IMMP2L: variants seen among roughly 807,000 people sequenced by gnomAD.
IMMP2L encodes the protein inner mitochondrial membrane peptidase subunit 2.
In IMMP2L, 18 loss-of-function variants were observed where a neutral mutation model predicts 19.3. The observed-to-expected ratio is 0.93, with a 90% CI of 0.64 to 1.38. IMMP2L has a LOEUF of 1.38. IMMP2L is among the 40% of genes most tolerant of loss of function. The pLI is 0.00. For synonymous variants in IMMP2L, 76 were observed against 73.0 expected (o/e 1.04, Z -0.21); for missense variants, 233 against 218.2 (o/e 1.07, Z -0.43).
intron 3 of IMMP2L, among the ~76,000 whole-genome samples, chr7:111,225,160 A>G (rs214470): frequency 0.44 from 66,559 of 151,900 alleles, 15,275 homozygotes; most frequent in Non-Finnish European, 0.52. Flanking sequence ...TTTCACAAAA[A>G]TGGACAAAGT....
At chr7:110,890,545 C>T (rs914700509) in intron 4 of IMMP2L, among the ~76,000 whole-genome samples, 6 of 152,098 alleles carry the variant, frequency 3.9e-5, no homozygotes, top group Non-Finnish European at 7.4e-5. Flanking sequence ...AAATATAATA[C>T]TCCTAATAGA....
chr7:111,547,852 C>T (rs1000110593), intron 1 of IMMP2L, among the ~76,000 whole-genome samples: 4 of 152,014 alleles, frequency 2.6e-5, no homozygotes, highest in African/African-American at 9.7e-5. Flanking sequence ...TCCCAAGGAG[C>T]TGGGACCAGA....
chr7:111,512,974 T>C (rs1845582670), intron 2 of IMMP2L, among the ~76,000 whole-genome samples: 1 of 152,072 alleles, frequency 6.6e-6, no homozygotes, highest in South Asian at 2.1e-4. Flanking sequence ...TTAAAGATGA[T>C]GCCTGAAACT....
At chr7:110,878,557 CATAT>C in intron 5 of IMMP2L, among the ~76,000 whole-genome samples, 1 of 151,700 alleles carries the variant, frequency 6.6e-6, no homozygotes, top group Non-Finnish European at 1.5e-5. Flanking sequence ...TTTTCATTAA[CATAT>C]ATTTAAATTA....
At chr7:110,911,304 A>C (rs1267544885) in intron 4 of IMMP2L, among the ~76,000 whole-genome samples, 1 of 152,130 alleles carries the variant, frequency 6.6e-6, no homozygotes, top group Non-Finnish European at 1.5e-5. Context: ...TTCAGCTTTA[A>C]AAGTGAAATT....
intron 3 of IMMP2L, among the ~76,000 whole-genome samples, chr7:110,966,094 A>G (rs895016616): frequency 7.2e-5 from 11 of 152,088 alleles, no homozygotes; most frequent in Non-Finnish European, 1.5e-4. Flanking sequence ...ACAGTCATTA[A>G]AAATGATGTT....
At position 110,946,308 on chromosome 7, in the gene IMMP2L, C is replaced by CTA. The variant is rs1817244138; in HGVS notation, c.305+17191_305+17192insTA. Among the ~76,000 whole-genome samples, 3 of 152,150 alleles carry CTA rather than the reference C, an allele frequency of 2.0e-5. No individual in the cohort carries two copies. In the South Asian group the frequency reaches 6.2e-4, roughly 31 times the overall value. On this transcript the variant is annotated intron_variant, in intron 4 of 5. Transcript: ENST00000405709. The stretch of plus-strand genomic sequence containing the variant: ...AATGCCACCCTTCATGTGGTAGTTA[C>CTA]GTTGCCTATAGAATGTATATAGACA...
chr7:111,211,790 G>A (rs550054506), intron 3 of IMMP2L, among the ~76,000 whole-genome samples: 10 of 152,184 alleles, frequency 6.6e-5, no homozygotes, highest in South Asian at 2.1e-4. Context: ...CAGGCAGATC[G>A]AGACCATCCT....
chr7:110,705,934 T>A (rs959854762), intron 5 of IMMP2L, among the ~76,000 whole-genome samples: 1 of 152,158 alleles, frequency 6.6e-6, no homozygotes, highest in African/African-American at 2.4e-5. Context: ...ATGGTGTATA[T>A]GTACTACATT....
intron 3 of IMMP2L, among the ~76,000 whole-genome samples, chr7:111,142,986 A>G (rs1457145268): frequency 1.3e-5 from 2 of 152,172 alleles, no homozygotes; most frequent in Non-Finnish European, 2.9e-5. Context: ...TTAAGAGACT[A>G]TATATTTACT....
intron 3 of IMMP2L, among the ~76,000 whole-genome samples, chr7:111,354,371 T>C (rs568758363): frequency 6.6e-6 from 1 of 152,060 alleles, no homozygotes; most frequent in Admixed American, 6.6e-5. Context: ...CTTGAAAATC[T>C]AATTTCCACC....
intron 5 of IMMP2L, among the ~76,000 whole-genome samples, chr7:110,763,402 G>A (rs1423762718): frequency 2.0e-5 from 3 of 152,106 alleles, no homozygotes. Flanking sequence ...CCTACTCTGA[G>A]CAAGCAAAGC....
intron 5 of IMMP2L, chr7:110,665,035 C>T (rs1791347876): frequency 1.3e-5 from 2 of 152,136 alleles, no homozygotes; most frequent in African/African-American, 4.8e-5. Context: ...TAATCAAAAA[C>T]ACATTGTTTA....
At chr7:111,036,279 C>A (rs894382118) in intron 3 of IMMP2L, among the ~76,000 whole-genome samples, 1 of 152,070 alleles carries the variant, frequency 6.6e-6, no homozygotes, top group African/African-American at 2.4e-5. Context: ...TGACAAGAGA[C>A]GCACTGTGAA....
chr7:111,372,403 G>A (rs1490725236), intron 3 of IMMP2L, among the ~76,000 whole-genome samples: 1 of 151,926 alleles, frequency 6.6e-6, no homozygotes, highest in Non-Finnish European at 1.5e-5. Context: ...CGTATCTCTT[G>A]TTCTCCTTCC....
chr7:111,056,439 C>T (rs1585996433), intron 3 of IMMP2L, among the ~76,000 whole-genome samples: 1 of 152,322 alleles, frequency 6.6e-6, no homozygotes, highest in South Asian at 2.1e-4. Context: ...TTAAATCCCT[C>T]TAAATATATT....
At chr7:111,496,366 T>G (rs77396686) in intron 2 of IMMP2L, among the ~76,000 whole-genome samples, 2,505 of 152,186 alleles carry the variant, frequency 0.016, 66 homozygotes, top group African/African-American at 0.057. Flanking sequence ...CCATACCCCT[T>G]CTGATGGTTA....
At chr7:110,967,205 A>G (rs887051068) in intron 3 of IMMP2L, among the ~76,000 whole-genome samples, 1 of 151,984 alleles carries the variant, frequency 6.6e-6, no homozygotes, top group African/African-American at 2.4e-5. Context: ...CAGGCCAAGG[A>G]GTGGGGTCTA....
At chr7:110,777,178 A>T (rs1181831650) in intron 5 of IMMP2L, among the ~76,000 whole-genome samples, 1 of 152,004 alleles carries the variant, frequency 6.6e-6, no homozygotes, top group East Asian at 1.9e-4. Context: ...TCAGGGATGC[A>T]TACTTCTTAA....
Sources: gnomAD v4.1 joint callset for allele counts (sites outside exome capture counted in the v4.1 genomes callset) on GRCh38, gnomAD v4.1.1 for gene constraint, MANE v1.5 for transcripts, NCBI Gene and HGNC (gene_info 2026-07-23, HGNC 2026-07-21) for gene names.